Variants in TTC28 observed in about 807,000 individuals in gnomAD.
TTC28 encodes tetratricopeptide repeat domain 28, also known as tetratricopeptide repeat protein 28.
In TTC28, 61 loss-of-function variants were observed where a neutral mutation model predicts 198.0. The observed-to-expected ratio is 0.31, with a 90% confidence interval of 0.25 to 0.38. The LOEUF (loss-of-function observed/expected upper bound fraction) is 0.38, where lower values mean the gene tolerates loss of function less well. Among genes scored for constraint, TTC28 ranks in the 10% least tolerant of loss-of-function variants. TTC28 has a pLI of 1.00. For synonymous variants in TTC28, 1,171 were observed against 1,297.8 expected (o/e 0.90, Z 2.10); for missense variants, 2,678 against 3,164.0 (o/e 0.85, Z 3.69).
At chr22:28,551,497 C>T (rs925506128) in intron 2 of TTC28, among the ~76,000 whole-genome samples, 1 of 152,110 alleles carries the variant, frequency 6.6e-6, no homozygotes. Flanking sequence ...TACTAGCAAA[C>T]CAAATCCAAC....
At chr22:28,673,306 G>A (rs994864394) in intron 1 of TTC28, among the ~76,000 whole-genome samples, 5 of 152,098 alleles carry the variant, frequency 3.3e-5, no homozygotes, top group Non-Finnish European at 5.9e-5. Context: ...CCCAGAAGGC[G>A]GAGCTTGCAG....
chr22:28,039,312 C>T (rs1041648122), intron 12 of TTC28, among the ~76,000 whole-genome samples: 3 of 152,088 alleles, frequency 2.0e-5, no homozygotes, highest in Admixed American at 6.6e-5. Flanking sequence ...AAATGTGGCA[C>T]ATATACACCA....
intron 2 of TTC28, among the ~76,000 whole-genome samples, chr22:28,392,811 C>G (rs2046752325): frequency 6.6e-6 from 1 of 151,716 alleles, no homozygotes; most frequent in Non-Finnish European, 1.5e-5. Context: ...TTCTGCATCG[C>G]TCACGCTGGG....
intron 5 of TTC28, among the ~76,000 whole-genome samples, chr22:28,197,173 A>AAAAAACC (rs1925440109): frequency 6.6e-6 from 1 of 151,266 alleles, no homozygotes; most frequent in Admixed American, 6.6e-5. Context: ...TCGCAAGGAC[A>AAAAAACC]AAAAACCAAA....
intron 2 of TTC28, among the ~76,000 whole-genome samples, chr22:28,418,458 A>G (rs1425548637): frequency 6.6e-6 from 1 of 152,230 alleles, no homozygotes; most frequent in Non-Finnish European, 1.5e-5. Flanking sequence ...AAACTTACAT[A>G]AATTCTCAGC....
intron 2 of TTC28, among the ~76,000 whole-genome samples, chr22:28,505,807 G>A (rs1014507667): frequency 3.0e-4 from 45 of 152,320 alleles, no homozygotes; most frequent in Admixed American, 1.6e-3. Context: ...TCCACGGCAC[G>A]TCACTGGAAG....
At chr22:28,227,121 T>G (rs1928406348) in intron 5 of TTC28, among the ~76,000 whole-genome samples, 1 of 152,054 alleles carries the variant, frequency 6.6e-6, no homozygotes, top group African/African-American at 2.4e-5. Flanking sequence ...TTTTTAGAGA[T>G]GGGGTCTCAC....
chr22:28,319,465 T>C (rs543203076), intron 2 of TTC28, among the ~76,000 whole-genome samples: 1 of 152,322 alleles, frequency 6.6e-6, no homozygotes, highest in Admixed American at 6.5e-5. Context: ...CTGTGTGAAC[T>C]CTTCATTTTA....
chr22:28,650,393 G>A (rs2051546200), intron 1 of TTC28, among the ~76,000 whole-genome samples: 1 of 152,152 alleles, frequency 6.6e-6, no homozygotes, highest in Non-Finnish European at 1.5e-5. Flanking sequence ...CTTAGAATTG[G>A]ATAAAACAGA....
intron 2 of TTC28, among the ~76,000 whole-genome samples, chr22:28,599,168 T>C (rs1001267295): frequency 1.3e-5 from 2 of 152,252 alleles, no homozygotes; most frequent in African/African-American, 2.4e-5. Flanking sequence ...TTTTGACTAG[T>C]AAGGATTAAA....
At chr22:28,267,659 A>T (rs749938928) in intron 5 of TTC28, among the ~76,000 whole-genome samples, 2 of 152,238 alleles carry the variant, frequency 1.3e-5, no homozygotes, top group Non-Finnish European at 2.9e-5. Flanking sequence ...TCAGAGGAAG[A>T]TCATCATATA....
chr22:28,136,649 G>A (rs951269764), intron 6 of TTC28, among the ~76,000 whole-genome samples: 2 of 152,186 alleles, frequency 1.3e-5, no homozygotes. Flanking sequence ...TTCCACTTCT[G>A]TGTCCCTGCT....
At chr22:28,452,723 TA>T (rs1408668996) in intron 2 of TTC28, among the ~76,000 whole-genome samples, 3 of 152,174 alleles carry the variant, frequency 2.0e-5, no homozygotes, top group Non-Finnish European at 4.4e-5. Flanking sequence ...TTAAAATGCC[TA>T]GCATTGGAAT....
chr22:28,029,741 G>A (rs1938996345), intron 13 of TTC28, among the ~76,000 whole-genome samples: 1 of 152,208 alleles, frequency 6.6e-6, no homozygotes, highest in Admixed American at 6.5e-5. Flanking sequence ...ACAGACGGGT[G>A]AGCCTGGGTC....
intron 5 of TTC28, among the ~76,000 whole-genome samples, chr22:28,189,507 T>A (rs1437069300): frequency 6.6e-6 from 1 of 150,500 alleles, no homozygotes; most frequent in Non-Finnish European, 1.5e-5. Flanking sequence ...GAAGAAATTA[T>A]CAAAAACTTA....
chr22:28,224,508 A>G (rs527547197), intron 5 of TTC28, among the ~76,000 whole-genome samples: 1 of 152,286 alleles, frequency 6.6e-6, no homozygotes, highest in South Asian at 2.1e-4. Flanking sequence ...ATAACCTCTC[A>G]AGAATTTATC....
intron 1 of TTC28, among the ~76,000 whole-genome samples, chr22:28,650,821 T>C (rs1480281398): frequency 6.6e-6 from 1 of 152,190 alleles, no homozygotes; most frequent in Non-Finnish European, 1.5e-5. Flanking sequence ...CTGTGAGGTA[T>C]AAAACAAGGT....
chr22:28,124,838 G>T (rs1174869480), intron 6 of TTC28, among the ~76,000 whole-genome samples: 3 of 152,176 alleles, frequency 2.0e-5, no homozygotes, highest in African/African-American at 4.8e-5. Flanking sequence ...AGTTGAGGTA[G>T]AAGGTAGAGG....
At chr22:28,291,725 G>A (rs1167815545) in intron 5 of TTC28, among the ~76,000 whole-genome samples, 1 of 152,068 alleles carries the variant, frequency 6.6e-6, no homozygotes, top group African/African-American at 2.4e-5. Context: ...GATAAGAGAT[G>A]TATTTAAAGA....
Sources: gnomAD v4.1 joint callset for allele counts (sites outside exome capture counted in the v4.1 genomes callset) on GRCh38, gnomAD v4.1.1 for gene constraint, MANE v1.5 for transcripts, NCBI Gene and HGNC (gene_info 2026-07-23, HGNC 2026-07-21) for gene names.